The following RAD51D variants were observed in gnomAD, a reference collection of about 807,000 sequenced individuals.
RAD51D encodes DNA repair protein RAD51 homolog 4.
In RAD51D, 38 loss-of-function variants were observed where a neutral mutation model predicts 44.1. That is an observed-to-expected ratio of 0.86 (90% CI 0.67 to 1.13). The LOEUF is 1.13. RAD51D is among the 50% of genes most tolerant of loss of function. RAD51D has a pLI of 0.00. For synonymous variants in RAD51D, 141 were observed against 166.6 expected, an observed-to-expected ratio of 0.85 and a Z score of 1.18; for missense variants, 390 against 414.0, an observed-to-expected ratio of 0.94 and a Z score of 0.50.
intron 3 of RAD51D, among the ~76,000 whole-genome samples, chr17:35,110,774 C>T (rs1034923613): frequency 2.0e-5 from 3 of 152,020 alleles, no homozygotes; most frequent in African/African-American, 7.2e-5. Flanking sequence ...GAGTTTGAGG[C>T]CAGCCTGGGC....
At position 35,103,515 on chromosome 17, in the gene RAD51D, C is replaced by G. The variant is rs1555567627; in HGVS notation, c.606G>C (p.Val202=). 3 of 1,614,224 alleles carry G rather than the reference C, an allele frequency of 1.9e-6. No individual in the cohort carries two copies. The highest frequency in any genetic ancestry group is 2.5e-6 in the Non-Finnish European group (3 of 1,180,042). ...QVTGSSGTVK[V]VVVDSVTAVV... ...CCGCAGTGACCGAGTCCACAACCAC[C>G]ACCTTCACAGTTCCTGAAGAACCAG... Residue 202 remains valine (V), a synonymous_variant, in exon 7 of 10, where the codon GTG becomes GTC. Coordinates refer to ENST00000345365, the MANE Select transcript of RAD51D (RefSeq NM_002878.4). This position sits in a 1 kb window ranked among gnomAD's most constrained non-coding sequence, Gnocchi z 4.1.
chr17:35,106,852 G>A, intron 5 of RAD51D, 136 bp downstream of exon 5: 1 of 1,317,586 alleles, frequency 7.6e-7, no homozygotes, highest in Non-Finnish European at 1.1e-6. Context: ...GGTGGCTTAA[G>A]GAATACGAGA....
At chr17:35,113,267 A>G (rs1328567793) in intron 3 of RAD51D, among the ~76,000 whole-genome samples, 1 of 150,756 alleles carries the variant, frequency 6.6e-6, no homozygotes, top group Non-Finnish European at 1.5e-5. Flanking sequence ...TAAGCATCCC[A>G]TCCATTTTTT....
chr17:35,107,231 C>A, intron 4 of RAD51D, 109 bp from the exon 5 acceptor site: 2 of 1,485,806 alleles, frequency 1.3e-6, no homozygotes, highest in South Asian at 1.1e-5. Flanking sequence ...TGAGTCCCGA[C>A]CCCATTCCTT....
chr17:35,118,566 C>A lies in RAD51D; in HGVS notation c.198G>T (p.Val66=), dbSNP rs200810304. Residue 66 remains valine (V), a synonymous_variant, in exon 3 of 10, where the codon GTG becomes GTT. Transcript: ENST00000345365. ...GTTCCTCGTAGAGATCAGCGCCATT[C>A]ACGGGGAAAGCCGAGAACTGAGCCA... ...VLLAQFSAFP[V]NGADLYEELK... 157 of 1,614,202 alleles carry A rather than the reference C, an allele frequency of 9.7e-5. 1 individual carries two copies. The East Asian group carries it at 3.5e-3, about 36-fold the overall frequency.
intron 3 of RAD51D, among the ~76,000 whole-genome samples, chr17:35,107,737 CTTTTTTTTTTTTTT>C (rs34531142): frequency 1.1e-5 from 1 of 94,006 alleles, no homozygotes; most frequent in South Asian, 4.0e-4. Flanking sequence ...TGTGGGTTTC[CTTTTTTTTTTTTTT>C]TTTTTTTTTT....
chr17:35,112,175 T>A (rs945749450), intron 3 of RAD51D, among the ~76,000 whole-genome samples: 1 of 152,232 alleles, frequency 6.6e-6, no homozygotes, highest in African/African-American at 2.4e-5. Flanking sequence ...CCTCCCAGGT[T>A]CACGTCATTC....
chr17:35,113,319 A>C (rs1304067737), intron 3 of RAD51D, among the ~76,000 whole-genome samples: 1 of 151,910 alleles, frequency 6.6e-6, no homozygotes, highest in African/African-American at 2.4e-5. Flanking sequence ...ACCAGGCTGG[A>C]GTGCAGTGGT....
At chr17:35,106,319 C>A (rs2091602212) in intron 6 of RAD51D, 67 bp downstream of exon 6, 1 of 1,305,572 alleles carries the variant, frequency 7.7e-7, no homozygotes, top group African/African-American at 1.4e-5. Context: ...TGTAGTAGGA[C>A]ACCTGCCCAC....
rs786203193 is a variant in RAD51D, at chr17:35,119,602, G to A, written c.12C>T (p.Leu4=). MGV[L]RVGLCPGLTE... ...TAAGGCCAGGGCACAGTCCGACCCT[G>A]AGCACGCCCATGTTCCCCGCAGGCC... The change falls in exon 1 of 10, where the codon CTC becomes CTT. Residue 4 remains leucine (L), a synonymous_variant. Transcript: ENST00000345365. 4 of 1,611,818 alleles carry A rather than the reference G, an allele frequency of 2.5e-6. No homozygotes were observed. Among genetic ancestry groups the A allele is most frequent in the Non-Finnish European group, 3.4e-6 (4 of 1,179,952 alleles).
intron 4 of RAD51D, 117 bp from the exon 5 acceptor site, chr17:35,107,239 C>G (rs1020986145): frequency 1.8e-5 from 26 of 1,473,338 alleles, no homozygotes; most frequent in Non-Finnish European, 2.5e-5. Context: ...GACCCCATTC[C>G]TTATTACCCA....
chr17:35,119,426 G>T, intron 1 of RAD51D, 106 bp downstream of exon 1: 2 of 1,331,170 alleles, frequency 1.5e-6, no homozygotes, highest in Non-Finnish European at 2.1e-6. Flanking sequence ...TCTAGGAATG[G>T]AGGGGAAGCG....
chr17:35,107,258 C>T (rs568090400), intron 4 of RAD51D, 108 bp downstream of exon 4: 1 of 1,451,376 alleles, frequency 6.9e-7, no homozygotes, highest in African/African-American at 1.4e-5. Context: ...CATCTTCTCT[C>T]TGTTGGGCTC....
chr17:35,119,516 G>T lies in RAD51D; in HGVS notation c.82+16C>A. 1 of 1,610,132 alleles carries T rather than the reference G, an allele frequency of 6.2e-7. No individual in the cohort carries two copies. ...CGAGGCCCGCGCGGCTCCCTGGCAC[G>T]CGCACACCCGGTCACCTGTCTTGAT... is the stretch of plus-strand genomic sequence containing the variant. On this transcript the variant is annotated intron_variant, in intron 1 of 9. Coordinates refer to ENST00000345365, the MANE Select transcript of RAD51D (RefSeq NM_002878.4).
intron 3 of RAD51D, among the ~76,000 whole-genome samples, chr17:35,114,594 G>A (rs1173610968): frequency 6.6e-6 from 1 of 152,106 alleles, no homozygotes; most frequent in Non-Finnish European, 1.5e-5. Flanking sequence ...GGAGGCTGAG[G>A]CAGGGAGACT....
intron 3 of RAD51D, among the ~76,000 whole-genome samples, chr17:35,117,542 T>C (rs2091764711): frequency 6.6e-6 from 1 of 152,052 alleles, no homozygotes; most frequent in Non-Finnish European, 1.5e-5. Flanking sequence ...AAGGCTGGAG[T>C]GCAGTGGTGC....
chr17:35,113,242 C>T (rs1307281833), intron 3 of RAD51D, among the ~76,000 whole-genome samples: 3 of 152,226 alleles, frequency 2.0e-5, no homozygotes, highest in South Asian at 2.1e-4. Context: ...CTGTATATGC[C>T]GAACAGCACT....
chr17:35,111,931 CA>C (rs1255661073), intron 3 of RAD51D, among the ~76,000 whole-genome samples: 2 of 152,202 alleles, frequency 1.3e-5, no homozygotes, highest in Non-Finnish European at 2.9e-5. Flanking sequence ...ACATGTCATC[CA>C]TTTATCCGAG....
In RAD51D at chr17:35,106,484, G is replaced by A. The variant is rs2142429781; in HGVS notation, c.481-3C>T. 1 of 1,609,180 alleles carries A rather than the reference G, an allele frequency of 6.2e-7. No homozygotes were observed. Among genetic ancestry groups the A allele is most frequent in the Non-Finnish European group, 8.5e-7 (1 of 1,177,084 alleles). ...TGGATCCTCCGGAGAGCTTCTGCCT[G>A]AAGCGGTGGAAAAGAAAAGCAAGGA... On this transcript the variant is annotated splice_region_variant and splice_polypyrimidine_tract_variant and intron_variant, in intron 5 of 9. Transcript: ENST00000345365.
Sources: allele counts gnomAD v4.1 joint callset (sites outside exome capture counted in the v4.1 genomes callset), GRCh38; gene constraint gnomAD v4.1.1; non-coding constraint Gnocchi (gnomAD v3.1); transcripts MANE v1.5; gene names NCBI Gene and HGNC (gene_info 2026-07-23, HGNC 2026-07-21).